Variants in ENOX1 observed in about 807,000 individuals in gnomAD.
ENOX1 encodes ecto-NOX disulfide-thiol exchanger 1.
Under a neutral mutation model 82.5 loss-of-function variants are expected in ENOX1, and 42 were observed. That is an observed-to-expected ratio of 0.51 (90% CI 0.40 to 0.66). ENOX1 has a LOEUF of 0.66. ENOX1 is among the 30% of genes least tolerant of loss of function. The pLI, the probability that ENOX1 is intolerant of heterozygous loss-of-function variation, is 0.00. For missense variants in ENOX1, 608 were observed against 811.6 expected, an observed-to-expected ratio of 0.75 and a Z score of 3.05; for synonymous variants, 271 against 282.2, an observed-to-expected ratio of 0.96 and a Z score of 0.40.
intron 1 of ENOX1, among the ~76,000 whole-genome samples, chr13:43,687,023 G>C (rs1374117508): frequency 6.6e-6 from 1 of 152,128 alleles, no homozygotes; most frequent in Non-Finnish European, 1.5e-5. Flanking sequence ...CCATTTTCAT[G>C]TTGCCAGAAA....
At chr13:43,300,164 C>T (rs7325336) in intron 11 of ENOX1, among the ~76,000 whole-genome samples, 52,942 of 151,850 alleles carry the variant, frequency 0.35, 9,335 homozygotes, top group South Asian at 0.52. Context: ...TTACTTAACA[C>T]GCATTTACTT....
At chr13:43,734,046 C>T (rs997729716) in intron 1 of ENOX1, among the ~76,000 whole-genome samples, 1 of 152,132 alleles carries the variant, frequency 6.6e-6, no homozygotes, top group Non-Finnish European at 1.5e-5. Context: ...GATTGAAGTG[C>T]TGCTGTGTAA....
intron 3 of ENOX1, among the ~76,000 whole-genome samples, chr13:43,460,175 G>C (rs1195908303): frequency 6.6e-6 from 1 of 152,156 alleles, no homozygotes; most frequent in Non-Finnish European, 1.5e-5. Flanking sequence ...ACAAAAGTGA[G>C]TGAATATTTT....
intron 2 of ENOX1, among the ~76,000 whole-genome samples, chr13:43,489,627 TCCCATTATTGTAGAGC>T (rs1184189265): frequency 6.6e-6 from 1 of 152,000 alleles, no homozygotes; most frequent in East Asian, 1.9e-4. Context: ...ACTCATAAAA[TCCCATTATTGTAGAGC>T]CACAGCATGC....
intron 12 of ENOX1, among the ~76,000 whole-genome samples, chr13:43,297,786 C>T (rs891815931): frequency 1.3e-5 from 2 of 152,108 alleles, no homozygotes; most frequent in African/African-American, 4.8e-5. Context: ...AAAAACACAG[C>T]TATTGCCCTG....
chr13:43,452,958 T>C (rs1594698026), intron 3 of ENOX1, among the ~76,000 whole-genome samples: 1 of 152,220 alleles, frequency 6.6e-6, no homozygotes, highest in African/African-American at 2.4e-5. Context: ...TTTGAATGGT[T>C]ATAAAAGAGA....
chr13:43,474,158 T>C (rs558057782), intron 3 of ENOX1, among the ~76,000 whole-genome samples: 6 of 152,134 alleles, frequency 3.9e-5, no homozygotes, highest in Admixed American at 6.6e-5. Flanking sequence ...GCAAAACTCA[T>C]AGGGGAAAAT....
intron 2 of ENOX1, among the ~76,000 whole-genome samples, chr13:43,573,944 G>T (rs1042976347): frequency 6.6e-6 from 1 of 152,176 alleles, no homozygotes; most frequent in Non-Finnish European, 1.5e-5. Context: ...TTAAAAATTG[G>T]AGGTATTTGA....
chr13:43,281,032 G>C (rs2045347672), intron 12 of ENOX1, among the ~76,000 whole-genome samples: 1 of 152,200 alleles, frequency 6.6e-6, no homozygotes, highest in African/African-American at 2.4e-5. Flanking sequence ...AGGTCTCCAA[G>C]TTTCACCTAT....
intron 1 of ENOX1, among the ~76,000 whole-genome samples, chr13:43,748,354 GC>G (rs1205964606): frequency 6.6e-6 from 1 of 152,122 alleles, no homozygotes; most frequent in Non-Finnish European, 1.5e-5. Context: ...ATTACTTGAA[GC>G]ACTTTTAACT....
At chr13:43,301,679 G>A (rs1421554929) in intron 11 of ENOX1, among the ~76,000 whole-genome samples, 6 of 151,566 alleles carry the variant, frequency 4.0e-5, no homozygotes, top group African/African-American at 1.5e-4. Context: ...ATGATTTCAA[G>A]CTTGGTTTTT....
chr13:43,612,746 A>T (rs557807493), intron 2 of ENOX1, among the ~76,000 whole-genome samples: 1 of 152,306 alleles, frequency 6.6e-6, no homozygotes, highest in African/African-American at 2.4e-5. Context: ...GGTTCCCAAA[A>T]TAAATCAGTA....
chr13:43,352,276 G>T (rs1343071406), intron 8 of ENOX1, among the ~76,000 whole-genome samples: 1 of 152,226 alleles, frequency 6.6e-6, no homozygotes, highest in East Asian at 1.9e-4. Context: ...ACCTAATTCA[G>T]AGAGAAACTC....
intron 2 of ENOX1, among the ~76,000 whole-genome samples, chr13:43,554,742 A>G (rs547688818): frequency 1.3e-5 from 2 of 151,980 alleles, no homozygotes; most frequent in Non-Finnish European, 2.9e-5. Context: ...ACACTCAGCT[A>G]ATTTTTGTAT....
chr13:43,665,207 C>G (rs1276052601), intron 2 of ENOX1, among the ~76,000 whole-genome samples: 1 of 152,198 alleles, frequency 6.6e-6, no homozygotes, highest in Non-Finnish European at 1.5e-5. Context: ...CTCTTCTCAG[C>G]AGGAGGCTCC....
intron 2 of ENOX1, among the ~76,000 whole-genome samples, chr13:43,508,516 T>C (rs928792622): frequency 6.6e-6 from 1 of 151,994 alleles, no homozygotes; most frequent in African/African-American, 2.4e-5. Context: ...CATTTGGTAC[T>C]GTATATGATT....
rs946680964 is a variant in ENOX1 at position 43,496,668 on chromosome 13, C to T, written c.-218-12516G>A. Reference sequence around the variant, plus strand: ...CAGTGTTGGGATTATAGGCATGAGTCACCACACCCAGCCTCCATTTCTTAA... The same window carrying T: ...CAGTGTTGGGATTATAGGCATGAGTTACCACACCCAGCCTCCATTTCTTAA... On this transcript the variant is annotated intron_variant, in intron 2 of 16. Transcript: ENST00000690772. Among the ~76,000 whole-genome samples, 4 of 152,154 alleles carry T rather than the reference C, an allele frequency of 2.6e-5. No homozygotes were observed. The East Asian group carries it at 7.7e-4, about 29-fold the overall frequency.
At chr13:43,331,475 A>G (rs1333414000) in intron 9 of ENOX1, among the ~76,000 whole-genome samples, 2 of 152,160 alleles carry the variant, frequency 1.3e-5, no homozygotes, top group Non-Finnish European at 2.9e-5. Context: ...TAGAGCCTCA[A>G]CTCTGCAGGG....
intron 1 of ENOX1, among the ~76,000 whole-genome samples, chr13:43,723,197 T>C (rs533489007): frequency 6.6e-6 from 1 of 152,234 alleles, no homozygotes; most frequent in South Asian, 2.1e-4. Flanking sequence ...TTTGAAGATA[T>C]ACTATATAGC....
Sources: allele counts gnomAD v4.1 joint callset (sites outside exome capture counted in the v4.1 genomes callset), GRCh38; gene constraint gnomAD v4.1.1; transcripts MANE v1.5; gene names NCBI Gene and HGNC (gene_info 2026-07-23, HGNC 2026-07-21).